The following FRMD3 variants were observed in gnomAD, a reference collection of about 807,000 sequenced individuals.
FRMD3 encodes FERM domain-containing protein 3.
FRMD3 carries 33 observed loss-of-function variants against 70.2 expected under a neutral mutation model. The ratio of observed to expected loss-of-function variants is 0.47; its 90% CI spans 0.36 to 0.63. The LOEUF is 0.63. Ranked by LOEUF, FRMD3 falls within the 20% of genes least tolerant of loss-of-function variation. The pLI, the probability that FRMD3 is intolerant of heterozygous loss-of-function variation, is 0.00. For synonymous variants in FRMD3, 279 were observed against 255.9 expected, an observed-to-expected ratio of 1.09 and a Z score of -0.86; for missense variants, 632 against 711.4, an observed-to-expected ratio of 0.89 and a Z score of 1.27.
At chr9:83,437,656 C>T (rs1006445766) in intron 1 of FRMD3, among the ~76,000 whole-genome samples, 1 of 152,078 alleles carries the variant, frequency 6.6e-6, no homozygotes, top group Non-Finnish European at 1.5e-5. Flanking sequence ...TTCCTCCAAC[C>T]AATACCAAGC....
At chr9:83,343,385 T>C in intron 4 of FRMD3, 98 bp from the exon 5 acceptor site, 1 of 807,748 alleles carries the variant, frequency 1.2e-6, no homozygotes, top group Non-Finnish European at 2.1e-6. Flanking sequence ...CCAGAGCTTT[T>C]CCCAGCTCTA....
At chr9:83,264,816 G>A (rs937261549) in intron 13 of FRMD3, among the ~76,000 whole-genome samples, 3 of 150,610 alleles carry the variant, frequency 2.0e-5, no homozygotes, top group Non-Finnish European at 4.4e-5. Context: ...GTGGGGGGAG[G>A]GGGGAAGGTA....
chr9:83,256,216 G>A (rs1832700888), intron 13 of FRMD3, among the ~76,000 whole-genome samples: 1 of 151,878 alleles, frequency 6.6e-6, no homozygotes, highest in South Asian at 2.1e-4. Flanking sequence ...AAATAAGACT[G>A]CACACCAACA....
chr9:83,518,518 T>C (rs1184573290), intron 1 of FRMD3, among the ~76,000 whole-genome samples: 2 of 152,188 alleles, frequency 1.3e-5, no homozygotes, highest in Non-Finnish European at 2.9e-5. Context: ...AAACATTCCA[T>C]GCTCATGGAT....
chr9:83,310,636 T>C (rs957208246), intron 8 of FRMD3, 88 bp from the exon 9 acceptor site: 3 of 963,836 alleles, frequency 3.1e-6, no homozygotes, highest in African/African-American at 3.3e-5. Context: ...GACTCAAAAA[T>C]GCCAGGCAGA....
intron 5 of FRMD3, among the ~76,000 whole-genome samples, chr9:83,342,758 C>T (rs1315357576): frequency 6.6e-6 from 1 of 151,996 alleles, no homozygotes; most frequent in Non-Finnish European, 1.5e-5. Flanking sequence ...AAAAATGCTT[C>T]CAGGGATGAC....
intron 2 of FRMD3, among the ~76,000 whole-genome samples, chr9:83,382,341 C>T (rs1448149975): frequency 6.6e-6 from 1 of 152,064 alleles, no homozygotes; most frequent in Non-Finnish European, 1.5e-5. Flanking sequence ...CATAGGTAAT[C>T]ATGTGACTTA....
intron 1 of FRMD3, among the ~76,000 whole-genome samples, chr9:83,433,427 C>A (rs1447723987): frequency 1.3e-5 from 2 of 152,202 alleles, no homozygotes; most frequent in African/African-American, 4.8e-5. Context: ...TCCTCACAGG[C>A]AAACTCTTCA....
At chr9:83,261,594 T>C (rs1832998920) in intron 13 of FRMD3, among the ~76,000 whole-genome samples, 1 of 152,242 alleles carries the variant, frequency 6.6e-6, no homozygotes, top group Non-Finnish European at 1.5e-5. Flanking sequence ...CTCTTCTTGC[T>C]CTGTACCCTC....
At chr9:83,268,950 A>G (rs1458536347) in intron 13 of FRMD3, among the ~76,000 whole-genome samples, 1 of 152,246 alleles carries the variant, frequency 6.6e-6, no homozygotes, top group East Asian at 1.9e-4. Flanking sequence ...CAGAATCCCC[A>G]GGTTTAAAAC....
At chr9:83,248,957 T>G (rs917699663) in intron 13 of FRMD3, among the ~76,000 whole-genome samples, 1 of 152,204 alleles carries the variant, frequency 6.6e-6, no homozygotes, top group Non-Finnish European at 1.5e-5. Flanking sequence ...CTTTCTAGTC[T>G]TCATTCTAGA....
intron 2 of FRMD3, among the ~76,000 whole-genome samples, chr9:83,386,983 A>G (rs1019389011): frequency 2.6e-5 from 4 of 152,128 alleles, no homozygotes; most frequent in African/African-American, 9.7e-5. Context: ...CCTGATGTTA[A>G]CATGTGTTTT....
At chr9:83,518,695 C>CAA (rs140839710) in intron 1 of FRMD3, among the ~76,000 whole-genome samples, 7 of 148,896 alleles carry the variant, frequency 4.7e-5, no homozygotes, top group African/African-American at 1.2e-4. Flanking sequence ...CAATTCTAAG[C>CAA]AAAAAAAAAC....
rs1465986236 is a variant in FRMD3 at position 83,527,253 on chromosome 9, A to G, written c.147+10832T>C. 3.3e-5 allele frequency among the ~76,000 whole-genome samples: 5 copies of G among 152,320 alleles called. No individual in the cohort carries two copies. In the East Asian group the frequency reaches 7.7e-4, roughly 23 times the overall value. ...CTGTGTGCTCTCATGGACATGCAACACTTCATCAGATTTGCCATGGGAAAT... is the reference window on the plus strand; with the variant it reads ...CTGTGTGCTCTCATGGACATGCAACGCTTCATCAGATTTGCCATGGGAAAT... On this transcript the variant is annotated intron_variant, in intron 1 of 13. Coordinates refer to ENST00000304195, the MANE Select transcript of FRMD3 (RefSeq NM_174938.6).
intron 1 of FRMD3, among the ~76,000 whole-genome samples, chr9:83,510,801 G>C (rs995220864): frequency 6.6e-6 from 1 of 152,146 alleles, no homozygotes; most frequent in Middle Eastern, 3.2e-3. Flanking sequence ...TCCATGAAAT[G>C]TCCAAGAAAA....
intron 4 of FRMD3, among the ~76,000 whole-genome samples, chr9:83,343,605 C>T (rs529018684): frequency 4.1e-4 from 63 of 152,258 alleles, no homozygotes; most frequent in South Asian, 1.0e-3. Flanking sequence ...AGCTCCCGCA[C>T]GAGGACAGCC....
Position 83,315,062 on chromosome 9 carries a change from T to A in FRMD3, c.597-1315A>T, listed in dbSNP as rs185653906. ...TTCTGTCATTGATATGTTTTTTTTT[T>A]AAATATCAATGAAATATTTCATTTC... On this transcript the variant is annotated intron_variant, in intron 6 of 13. Coordinates refer to ENST00000304195, the MANE Select transcript of FRMD3 (RefSeq NM_174938.6). Among the ~76,000 whole-genome samples, 858 of 152,182 alleles carry A rather than the reference T, an allele frequency of 5.6e-3. 7 individuals are homozygous for A. Among genetic ancestry groups the A allele is most frequent in the Non-Finnish European group, 4.3e-3 (291 of 68,020 alleles).
At chr9:83,372,837 G>A in intron 3 of FRMD3, 76 bp downstream of exon 3, 1 of 1,315,168 alleles carries the variant, frequency 7.6e-7, no homozygotes, top group Non-Finnish European at 1.1e-6. Flanking sequence ...TCCCCTGGCA[G>A]GAGAAAGTTT....
intron 1 of FRMD3, among the ~76,000 whole-genome samples, chr9:83,516,839 C>T (rs1039532564): frequency 6.6e-6 from 1 of 152,194 alleles, no homozygotes; most frequent in African/African-American, 2.4e-5. Context: ...TGCACAACTA[C>T]ATGGGAACTG....
Sources: allele counts gnomAD v4.1 joint callset (sites outside exome capture counted in the v4.1 genomes callset), GRCh38; gene constraint gnomAD v4.1.1; transcripts MANE v1.5; gene names NCBI Gene and HGNC (gene_info 2026-07-23, HGNC 2026-07-21).